APC: variants seen among roughly 807,000 people sequenced by gnomAD.
The protein encoded by APC is APC regulator of Wnt signaling pathway, also known as adenomatous polyposis coli protein.
Under a neutral mutation model 247.0 loss-of-function variants are expected in APC, and 72 were observed. The observed-to-expected ratio is 0.29, with a 90% CI of 0.24 to 0.35. APC has a LOEUF of 0.35. APC is among the 10% of genes least tolerant of loss of function. The pLI, the probability that APC is intolerant of heterozygous loss-of-function variation, is 1.00. For synonymous variants in APC, 1,254 were observed against 1,162.5 expected, an observed-to-expected ratio of 1.08 and a Z score of -1.60; for missense variants, 3,400 against 3,360.7, an observed-to-expected ratio of 1.01 and a Z score of -0.29.
chr5:112,738,242 A>G (rs1398341211), intron 1 of APC: 14 of 976,374 alleles, frequency 1.4e-5, no homozygotes, highest in Non-Finnish European at 1.7e-5. Context: ...ACAGAGTGGA[A>G]TAACAGTATC....
chr5:112,781,863 C>A (rs1272478015), intron 6 of APC, among the ~76,000 whole-genome samples: 1 of 151,914 alleles, frequency 6.6e-6, no homozygotes, highest in East Asian at 1.9e-4. Context: ...AAGCAATGCT[C>A]CTGCCTCAGC....
chr5:112,776,325 C>T lies in APC; in HGVS notation c.531+588C>T, dbSNP rs556870417. Reference sequence around the variant, plus strand: ...CTCTGCTGAACCAGTAAAACATATACTGAAAAGATCGAACCTGCATATAAT... The same window carrying T: ...CTCTGCTGAACCAGTAAAACATATATTGAAAAGATCGAACCTGCATATAAT... On this transcript the variant is annotated intron_variant, in intron 5 of 15. Coordinates refer to ENST00000257430, the MANE Select transcript of APC (RefSeq NM_000038.6). Among the ~76,000 whole-genome samples the T allele has an allele frequency of 2.0e-5, 3 of 152,232 alleles. No homozygotes were observed. The East Asian group carries it at 5.8e-4, about 29-fold the overall frequency.
Position 112,844,366 on chromosome 5 carries a change from T to C in APC, c.*240T>C. On this transcript the variant is annotated 3_prime_UTR_variant, in exon 16 of 16. Transcript: ENST00000257430. ...TAAAGCCAAGTATGTTTGTACAGTATGTTTTACATGTATTTAAAGTAGCAT... is the reference window on the plus strand; with the variant it reads ...TAAAGCCAAGTATGTTTGTACAGTACGTTTTACATGTATTTAAAGTAGCAT... 2.1e-6 allele frequency: 1 copy of C among 481,772 alleles called. No homozygotes were observed. The highest frequency in any genetic ancestry group is 3.4e-5 in the East Asian group (1 of 29,162). 29.8% of individuals were successfully genotyped at this position (481,772 alleles called of 1,614,324 possible).
At position 112,842,578 on chromosome 5, in the gene APC, A is replaced by T. The variant is rs1766348073; in HGVS notation, c.6984A>T (p.Ser2328=). 6.2e-7 allele frequency: 1 copy of T among 1,613,612 alleles called. No homozygotes were observed. Among genetic ancestry groups the T allele is most frequent in the Admixed American group, 1.7e-5 (1 of 59,990 alleles). The stretch of plus-strand genomic sequence containing the variant: ...CTATACAGTCTCCTGGCCGAAACTC[A>T]ATTTCCCCTGGTAGAAATGGAATAA... ...SRPIQSPGRN[S]ISPGRNGISP... The change falls in exon 16 of 16, where the codon TCA becomes TCT. Residue 2328 remains serine, a synonymous_variant. Coordinates refer to ENST00000257430, the MANE Select transcript of APC (RefSeq NM_000038.6).
In APC at chr5:112,710,530, CCTT is replaced by C. The variant is rs1022872642; in HGVS notation, c.165+2653_165+2655del. Among the ~76,000 whole-genome samples the C allele has an allele frequency of 2.6e-5, 4 of 152,172 alleles. 1 individual carries two copies. The highest frequency in any genetic ancestry group is 6.5e-5 in the Admixed American group (1 of 15,268). On this transcript the variant is annotated intron_variant, in intron 1 of 13. Coordinates refer to the APC transcript ENST00000507379. ...ACTGTCCATTTTCACTTCCTGTCCA[CCTT>C]CTTCAGCCTCTCCCTCTCTAGCCTA...
rs6594646 is a variant in APC at position 112,746,227 on chromosome 5, A to G, written c.-19+8302A>G. On this transcript the variant is annotated intron_variant, in intron 1 of 15. Transcript: ENST00000257430. ...AAGAGTAAATCACAGAAGAAACTTT[A>G]AAATACTTTAAAAAAATCTTAGCTC... 0.4 allele frequency among the ~76,000 whole-genome samples: 60,914 copies of G among 151,976 alleles called. 14,724 individuals are homozygous for G. The highest frequency in any genetic ancestry group is 0.67 in the East Asian group (3,454 of 5,168).
At chr5:112,770,484 C>T (rs553057467) in intron 4 of APC, among the ~76,000 whole-genome samples, 2 of 152,140 alleles carry the variant, frequency 1.3e-5, no homozygotes, top group South Asian at 4.1e-4. Context: ...TCGTTTTTCT[C>T]CCAAAATATG....
At chr5:112,797,820 CAAAT>C (rs1279452859) in intron 7 of APC, among the ~76,000 whole-genome samples, 1 of 152,034 alleles carries the variant, frequency 6.6e-6, no homozygotes, top group Non-Finnish European at 1.5e-5. Flanking sequence ...ATAGGAATGG[CAAAT>C]AAGTACATGA....
Position 112,838,007 on chromosome 5 carries a change from C to G in APC, c.2413C>G (p.Arg805Gly), listed in dbSNP as rs587779783. The G allele has an allele frequency of 2.5e-6, 4 of 1,614,052 alleles. No individual in the cohort carries two copies. Among genetic ancestry groups the G allele is most frequent in the East Asian group, 2.2e-5 (1 of 44,870 alleles). ...LYGDYVFDTNRHDDNRSDNFN... is the reference protein window; with the variant it reads ...LYGDYVFDTNGHDDNRSDNFN... ...TGGTGATTATGTTTTTGACACCAAT[C>G]GACATGATGATAATAGGTCAGACAA... The change falls in exon 16 of 16, where the codon CGA (arginine) becomes GGA (glycine). Residue 805 changes from arginine (R) to glycine (G), a missense_variant. This residue lies in a region of APC where 91 missense variants were observed against 103.3 expected (regional missense o/e 0.88). Transcript: ENST00000257430.
At chr5:112,710,295 C>T (rs60522868) in intron 1 of APC, among the ~76,000 whole-genome samples, 1 of 152,292 alleles carries the variant, frequency 6.6e-6, no homozygotes, top group African/African-American at 2.4e-5. Context: ...CTCATTTCCT[C>T]AGGTTTTTAT....
At chr5:112,753,868 T>A (rs186180449) in intron 1 of APC, among the ~76,000 whole-genome samples, 1 of 152,322 alleles carries the variant, frequency 6.6e-6, no homozygotes, top group African/African-American at 2.4e-5. Flanking sequence ...CTTAATACTT[T>A]TTAGCTATTA....
intron 4 of APC, among the ~76,000 whole-genome samples, chr5:112,769,613 A>G (rs1756802251): frequency 6.6e-6 from 1 of 152,226 alleles, no homozygotes; most frequent in African/African-American, 2.4e-5. Context: ...ACATTCAGAA[A>G]ATGGTAAAAT....
At chr5:112,724,772 G>A (rs1053436566) in intron 1 of APC, among the ~76,000 whole-genome samples, 2 of 152,194 alleles carry the variant, frequency 1.3e-5, no homozygotes, top group South Asian at 4.2e-4. Context: ...GGTGGTGAGT[G>A]CACAGAATTC....
chr5:112,802,530 A>G lies in APC; in HGVS notation c.834+1147A>G, dbSNP rs190837243. Among the ~76,000 whole-genome samples the G allele has an allele frequency of 1.4e-3, 207 of 152,290 alleles. 1 individual carries two copies. Among genetic ancestry groups the G allele is most frequent in the African/African-American group, 4.8e-3 (200 of 41,572 alleles). ...TCGTAGTGCTTTGGGTCATCTTCCA[A>G]TTATTATGTACTTTGGAAACCTTAC... is the stretch of plus-strand genomic sequence containing the variant. On this transcript the variant is annotated intron_variant, in intron 8 of 15. Transcript: ENST00000257430.
intron 2 of APC, among the ~76,000 whole-genome samples, chr5:112,761,584 T>G (rs1755677165): frequency 6.6e-6 from 1 of 151,942 alleles, no homozygotes; most frequent in African/African-American, 2.4e-5. Context: ...GTAGAAAATA[T>G]TCAAACTGAA....
intron 6 of APC, among the ~76,000 whole-genome samples, chr5:112,784,102 C>G (rs1390628525): frequency 6.6e-6 from 1 of 152,156 alleles, no homozygotes; most frequent in Non-Finnish European, 1.5e-5. Context: ...CAGTCTTGCT[C>G]TGTCACACAG....
At chr5:112,708,365 A>T (rs1341965693) in intron 1 of APC, among the ~76,000 whole-genome samples, 2 of 152,248 alleles carry the variant, frequency 1.3e-5, no homozygotes, top group Non-Finnish European at 2.9e-5. Context: ...TCAAGTCCCC[A>T]GGAGCCTTGG....
At chr5:112,752,344 C>T (rs1754477985) in intron 1 of APC, among the ~76,000 whole-genome samples, 1 of 152,076 alleles carries the variant, frequency 6.6e-6, no homozygotes. Flanking sequence ...TATCTTTTGC[C>T]AGCCTGAAAT....
chr5:112,731,055 TATATAATTATATATC>T (rs1752072892), intron 1 of APC, among the ~76,000 whole-genome samples: 1 of 151,758 alleles, frequency 6.6e-6, no homozygotes, highest in Non-Finnish European at 1.5e-5. Context: ...ATATATGGAT[TATATAATTATATATC>T]ATATAATTAT....
Sources: gnomAD v4.1 joint callset for allele counts (sites outside exome capture counted in the v4.1 genomes callset) on GRCh38, gnomAD v4.1.1 for gene constraint, gnomAD v4.1.1 regional missense constraint, MANE v1.5 for transcripts, NCBI Gene and HGNC (gene_info 2026-07-23, HGNC 2026-07-21) for gene names.